Variants in GPR89A observed in about 807,000 individuals in gnomAD.
The protein encoded by GPR89A is golgi pH regulator A.
A neutral mutation model predicts 52.0 loss-of-function variants in GPR89A; 16 were observed. The ratio of observed to expected loss-of-function variants is 0.31; its 90% CI spans 0.21 to 0.47. The LOEUF is 0.47. Among genes scored for constraint, GPR89A ranks in the 20% least tolerant of loss-of-function variants. The probability of loss-of-function intolerance (pLI) is 1.00; values close to 1 mark genes in which losing one functional copy is unlikely to be tolerated. For synonymous variants in GPR89A, 55 were observed against 150.9 expected (o/e 0.36, Z 4.66); for missense variants, 135 against 449.4 (o/e 0.30, Z 6.33).
intron 1 of GPR89A, among the ~76,000 whole-genome samples, chr1:145,609,187 A>T (rs1184879545): frequency 6.6e-6 from 1 of 152,190 alleles, no homozygotes; most frequent in African/African-American, 2.4e-5. Flanking sequence ...TCAAACGGCA[A>T]ATAACAGAAG....
At chr1:145,645,969 T>C in intron 8 of GPR89A, 1 of 630,682 alleles carries the variant, frequency 1.6e-6, no homozygotes. Context: ...GTGGTAATTG[T>C]TTGGTGGCGA....
intron 1 of GPR89A, chr1:145,612,065 A>C (rs1367462505): frequency 1.3e-5 from 2 of 152,026 alleles, no homozygotes; most frequent in Non-Finnish European, 2.9e-5. Context: ...CAACGCCAGG[A>C]GTTTAACCCT....
In GPR89A at chr1:145,628,153, A is replaced by G. The variant is rs1176192490; in HGVS notation, c.416-2534A>G. 3.3e-5 allele frequency among the ~76,000 whole-genome samples: 5 copies of G among 151,604 alleles called. No homozygotes were observed. The East Asian group carries it at 5.8e-4, about 18-fold the overall frequency. ...TGTACATGTATCAGTCCTCATAGAG[A>G]TGACTCCAGGAATCTAAACAACTAG... On this transcript the variant is annotated intron_variant, in intron 5 of 13. Coordinates refer to ENST00000313835, the MANE Select transcript of GPR89A (RefSeq NM_001097612.2).
chr1:145,669,477 T>C, intron 12 of GPR89A, 148 bp from the exon 13 acceptor site: 1 of 664,492 alleles, frequency 1.5e-6, no homozygotes, highest in Non-Finnish European at 2.7e-6. Context: ...TTAAGTCTCT[T>C]CTTTATAGTC....
At chr1:145,660,841 C>A (rs1343405134) in intron 10 of GPR89A, among the ~76,000 whole-genome samples, 1 of 151,280 alleles carries the variant, frequency 6.6e-6, no homozygotes, top group African/African-American at 2.4e-5. Flanking sequence ...AACAGGAACA[C>A]TTTTACACTG....
At chr1:145,617,487 G>A (rs1648798349) in intron 2 of GPR89A, among the ~76,000 whole-genome samples, 1 of 151,820 alleles carries the variant, frequency 6.6e-6, no homozygotes, top group Non-Finnish European at 1.5e-5. Context: ...ACGGGATTAA[G>A]AGATTAAAGT....
intron 10 of GPR89A, among the ~76,000 whole-genome samples, chr1:145,656,814 A>T (rs773963021): frequency 7.4e-5 from 11 of 148,624 alleles, no homozygotes; most frequent in East Asian, 5.8e-4. Context: ...CACCTTTATG[A>T]TGTTAGGTTT....
At chr1:145,634,523 T>A (rs1374318109) in intron 7 of GPR89A, among the ~76,000 whole-genome samples, 1 of 150,608 alleles carries the variant, frequency 6.6e-6, no homozygotes, top group Admixed American at 6.6e-5. Flanking sequence ...TAAAAAGTAC[T>A]TTTAAAATGT....
chr1:145,614,483 A>C (rs1311178302), intron 1 of GPR89A, among the ~76,000 whole-genome samples: 3 of 152,140 alleles, frequency 2.0e-5, no homozygotes, highest in Admixed American at 6.5e-5. Context: ...CAGAAAATTT[A>C]AGATTGAATG....
chr1:145,627,899 G>T (rs1446213256), intron 5 of GPR89A, among the ~76,000 whole-genome samples: 1 of 151,138 alleles, frequency 6.6e-6, no homozygotes, highest in East Asian at 1.9e-4. Context: ...GAAAGACCTT[G>T]GTGTATTCAA....
intron 2 of GPR89A, among the ~76,000 whole-genome samples, chr1:145,616,884 C>T (rs762818253): frequency 2.3e-3 from 351 of 152,102 alleles, no homozygotes; most frequent in Non-Finnish European, 3.0e-3. Context: ...AGGGAGTGTA[C>T]GAATAGGGAG....
chr1:145,658,396 G>A (rs1553694853), intron 10 of GPR89A, among the ~76,000 whole-genome samples: 1 of 149,782 alleles, frequency 6.7e-6, no homozygotes, highest in African/African-American at 2.5e-5. Flanking sequence ...CTTGAGCCCA[G>A]GAGTTTGAGA....
intron 5 of GPR89A, among the ~76,000 whole-genome samples, chr1:145,629,171 T>C (rs1649723746): frequency 6.6e-6 from 1 of 151,948 alleles, no homozygotes; most frequent in South Asian, 2.1e-4. Context: ...AACTCACATA[T>C]AAGGATGAGA....
intron 5 of GPR89A, among the ~76,000 whole-genome samples, chr1:145,624,411 G>A (rs1649343010): frequency 7.3e-6 from 1 of 137,846 alleles, no homozygotes. Flanking sequence ...TCAGAAGTAT[G>A]TATGAATCTA....
chr1:145,616,648 T>G (rs1245001207), intron 2 of GPR89A, among the ~76,000 whole-genome samples: 1 of 152,192 alleles, frequency 6.6e-6, no homozygotes, highest in Non-Finnish European at 1.5e-5. Flanking sequence ...TATTATAAGT[T>G]AATACCAAAA....
chr1:145,647,048 T>G, intron 9 of GPR89A, 127 bp from the exon 10 acceptor site: 7 of 1,451,522 alleles, frequency 4.8e-6, no homozygotes, highest in Non-Finnish European at 6.5e-6. Flanking sequence ...TGTTATTAGT[T>G]TAATATTATT....
chr1:145,622,953 A>G, intron 3 of GPR89A, 101 bp from the exon 4 acceptor site: 4 of 1,581,576 alleles, frequency 2.5e-6, no homozygotes, highest in Non-Finnish European at 3.4e-6. Context: ...GATATATTCA[A>G]TATTGAGTCC....
intron 3 of GPR89A, among the ~76,000 whole-genome samples, chr1:145,621,665 A>G (rs1233485984): frequency 1.2e-4 from 18 of 151,680 alleles, no homozygotes; most frequent in African/African-American, 3.9e-4. Context: ...GAAAATTTTT[A>G]TAAATTACCT....
At chr1:145,655,652 C>A (rs1175355404) in intron 10 of GPR89A, among the ~76,000 whole-genome samples, 1 of 152,198 alleles carries the variant, frequency 6.6e-6, no homozygotes, top group Non-Finnish European at 1.5e-5. Flanking sequence ...TGCAGAACAG[C>A]AAAGATGGCT....
Sources: allele counts gnomAD v4.1 joint callset (sites outside exome capture counted in the v4.1 genomes callset), GRCh38; gene constraint gnomAD v4.1.1; transcripts MANE v1.5; gene names NCBI Gene and HGNC (gene_info 2026-07-23, HGNC 2026-07-21).